The following KCNJ16 variants were observed in gnomAD, a reference collection of about 807,000 sequenced individuals.
The protein encoded by KCNJ16 is inward rectifier potassium channel 16.
Under a neutral mutation model 18.5 loss-of-function variants are expected in KCNJ16, and 15 were observed. That is an observed-to-expected ratio of 0.81 (90% confidence interval 0.54 to 1.25). The LOEUF (loss-of-function observed/expected upper bound fraction) is 1.25. Among genes scored for constraint, KCNJ16 ranks in the 50% most tolerant of loss-of-function variants. The pLI, the probability that KCNJ16 is intolerant of heterozygous loss-of-function variation, is 0.00. For missense variants in KCNJ16, 523 were observed against 525.7 expected, an observed-to-expected ratio of 0.99 and a Z score of 0.05; for synonymous variants, 174 against 186.5, an observed-to-expected ratio of 0.93 and a Z score of 0.55.
chr17:70,097,755 T>C (rs891080737), intron 1 of KCNJ16, among the ~76,000 whole-genome samples: 1 of 152,094 alleles, frequency 6.6e-6, no homozygotes, highest in African/African-American at 2.4e-5. Flanking sequence ...ATCCACTCTT[T>C]CCTTGCAAAG....
intron 2 of KCNJ16, chr17:70,128,876 G>C (rs1187106947): frequency 6.6e-6 from 1 of 152,288 alleles, no homozygotes; most frequent in East Asian, 1.9e-4. Context: ...AATGGCGTCA[G>C]CACCAAATGA....
chr17:70,126,132 A>G (rs1223482065), intron 2 of KCNJ16, among the ~76,000 whole-genome samples: 2 of 152,174 alleles, frequency 1.3e-5, no homozygotes, highest in African/African-American at 2.4e-5. Flanking sequence ...ATAATTGTTA[A>G]TTCTTGTGTA....
chr17:70,111,117 T>C (rs901022037), intron 2 of KCNJ16, among the ~76,000 whole-genome samples: 1 of 152,192 alleles, frequency 6.6e-6, no homozygotes, highest in African/African-American at 2.4e-5. Context: ...TGGTTCAAGC[T>C]GTATACAAAA....
At chr17:70,130,730 T>C (rs1045265432) in intron 2 of KCNJ16, 149 bp from the exon 3 acceptor site, 2 of 561,462 alleles carry the variant, frequency 3.6e-6, no homozygotes, top group South Asian at 2.4e-5. Context: ...GCATTTTCTA[T>C]GTAATAGAGA....
intron 2 of KCNJ16, among the ~76,000 whole-genome samples, chr17:70,127,014 ATT>A (rs2073877777): frequency 6.6e-6 from 1 of 152,168 alleles, no homozygotes; most frequent in African/African-American, 2.4e-5. Context: ...TCCAGCTTTC[ATT>A]TAGTTGTTTG....
intron 1 of KCNJ16, among the ~76,000 whole-genome samples, chr17:70,076,908 A>G (rs1345952556): frequency 6.6e-6 from 1 of 152,224 alleles, no homozygotes; most frequent in Non-Finnish European, 1.5e-5. Context: ...CAAGAACTTG[A>G]GTTCCAGCAT....
intron 2 of KCNJ16, chr17:70,104,747 G>A (rs1453655453): frequency 6.6e-6 from 1 of 152,558 alleles, no homozygotes; most frequent in African/African-American, 2.4e-5. Flanking sequence ...CATGGAAGAA[G>A]GCTATTCTTG....
At chr17:70,116,450 A>T (rs1172739194) in intron 2 of KCNJ16, among the ~76,000 whole-genome samples, 1 of 152,188 alleles carries the variant, frequency 6.6e-6, no homozygotes, top group African/African-American at 2.4e-5. Context: ...CTGAGAACGG[A>T]ATTGCTGCAT....
intron 2 of KCNJ16, among the ~76,000 whole-genome samples, chr17:70,125,583 A>G (rs2073823767): frequency 6.6e-6 from 1 of 152,164 alleles, no homozygotes; most frequent in African/African-American, 2.4e-5. Flanking sequence ...ATCTTGCGCA[A>G]GAAAGAATTC....
chr17:70,079,431 G>A (rs1307999233), intron 1 of KCNJ16, among the ~76,000 whole-genome samples: 1 of 152,116 alleles, frequency 6.6e-6, no homozygotes, highest in Non-Finnish European at 1.5e-5. Flanking sequence ...TATCCAGACA[G>A]GTGTTTGATC....
At chr17:70,120,658 G>A (rs951907546) in intron 2 of KCNJ16, among the ~76,000 whole-genome samples, 4 of 152,140 alleles carry the variant, frequency 2.6e-5, no homozygotes, top group African/African-American at 7.2e-5. Flanking sequence ...TGGGGGGAAA[G>A]AGAGATGCCA....
At chr17:70,109,272 T>C (rs1219508048) in intron 2 of KCNJ16, among the ~76,000 whole-genome samples, 1 of 152,180 alleles carries the variant, frequency 6.6e-6, no homozygotes, top group Middle Eastern at 3.2e-3. Context: ...TCTTTATCTT[T>C]AAAAAGGGGA....
At chr17:70,096,835 G>A (rs1292169500) in intron 1 of KCNJ16, 37 of 396,888 alleles carry the variant, frequency 9.3e-5, no homozygotes, top group Non-Finnish European at 3.1e-5. Flanking sequence ...GTTACAGCTA[G>A]TAACTTGGTC....
At chr17:70,088,573 AG>A (rs1461758370) in intron 1 of KCNJ16, among the ~76,000 whole-genome samples, 1 of 152,218 alleles carries the variant, frequency 6.6e-6, no homozygotes, top group African/African-American at 2.4e-5. Flanking sequence ...TAACATTCCC[AG>A]GGGATTAAAG....
chr17:70,080,413 A>G (rs1349178115), intron 1 of KCNJ16, among the ~76,000 whole-genome samples: 1 of 152,190 alleles, frequency 6.6e-6, no homozygotes, highest in African/African-American at 2.4e-5. Context: ...AGGTATGACT[A>G]TATATCCAAC....
At chr17:70,131,078 A>G in intron 3 of KCNJ16, 103 bp downstream of exon 3, 1 of 1,199,132 alleles carries the variant, frequency 8.3e-7, no homozygotes, top group African/African-American at 1.5e-5. Flanking sequence ...AAAACACTGA[A>G]AAGCCGGAGA....
At chr17:70,126,973 GTGATGC>G (rs61560676) in intron 2 of KCNJ16, among the ~76,000 whole-genome samples, 8,363 of 152,186 alleles carry the variant, frequency 0.055, 775 homozygotes, top group African/African-American at 0.19. Context: ...AACGTTACTA[GTGATGC>G]TGATACACTG....
At chr17:70,120,122 C>A (rs143201319) in intron 2 of KCNJ16, among the ~76,000 whole-genome samples, 1 of 152,326 alleles carries the variant, frequency 6.6e-6, no homozygotes, top group South Asian at 2.1e-4. Flanking sequence ...CACACTTCCA[C>A]AGATCCCTAG....
At chr17:70,106,301 A>C (rs1207197273) in intron 2 of KCNJ16, among the ~76,000 whole-genome samples, 1 of 152,192 alleles carries the variant, frequency 6.6e-6, no homozygotes, top group Non-Finnish European at 1.5e-5. Context: ...TGGCAGTGTG[A>C]CCTTCCCCCA....
Sources: allele counts gnomAD v4.1 joint callset (sites outside exome capture counted in the v4.1 genomes callset), GRCh38; gene constraint gnomAD v4.1.1; transcripts MANE v1.5; gene names NCBI Gene and HGNC (gene_info 2026-07-23, HGNC 2026-07-21).